The following SLC7A1 variants were observed in gnomAD, a reference collection of about 807,000 sequenced individuals.
The protein encoded by SLC7A1 is solute carrier family 7 member 1, also known as high affinity cationic amino acid transporter 1.
SLC7A1 carries 10 observed loss-of-function variants against 53.9 expected under a neutral mutation model. The ratio of observed to expected loss-of-function variants is 0.19; its 90% CI spans 0.11 to 0.31. The LOEUF (loss-of-function observed/expected upper bound fraction) is 0.31. Among genes scored for constraint, SLC7A1 ranks in the 10% least tolerant of loss-of-function variants. The pLI, the probability that SLC7A1 is intolerant of heterozygous loss-of-function variation, is 1.00. For synonymous variants in SLC7A1, 342 were observed against 338.7 expected (o/e 1.01, Z -0.11); for missense variants, 525 against 827.2 (o/e 0.63, Z 4.48).
At position 29,533,645 on chromosome 13, in the gene SLC7A1, C is replaced by T. The variant is rs544942985; in HGVS notation, c.371-663G>A. Among the ~76,000 whole-genome samples, 20 of 152,322 alleles carry T rather than the reference C, an allele frequency of 1.3e-4. No individual in the cohort carries two copies. The South Asian group carries it at 4.1e-3, about 32-fold the overall frequency. On this transcript the variant is annotated intron_variant, in intron 3 of 12. Coordinates refer to ENST00000380752, the MANE Select transcript of SLC7A1 (RefSeq NM_003045.5). Reference sequence around the variant, plus strand: ...ACAGCATCCCCAGAGTGCAGGACAGCAGACAGACCCCAGCCCTCCTCGTTC... The same window carrying T: ...ACAGCATCCCCAGAGTGCAGGACAGTAGACAGACCCCAGCCCTCCTCGTTC...
rs891003925 is a variant in SLC7A1, at chr13:29,510,123, C to T, written c.*4357G>A. 1 of 152,596 alleles carries T rather than the reference C, an allele frequency of 6.6e-6. No individual in the cohort carries two copies. The highest frequency in any genetic ancestry group is 1.5e-5 in the Non-Finnish European group (1 of 68,058). The allele number at this position is 152,596 out of a possible 1,614,324, so 9.5% of individuals were successfully genotyped here. ...CTTCTCTTTAAGCTTGGCCAAGGTA[C>T]TCCATCTCCTGTGGGGTTTTCAGCT... On this transcript the variant is annotated 3_prime_UTR_variant, in exon 13 of 13. Transcript: ENST00000380752.
chr13:29,535,540 T>A (rs182892374), intron 3 of SLC7A1, among the ~76,000 whole-genome samples: 181 of 152,278 alleles, frequency 1.2e-3, no homozygotes, highest in Non-Finnish European at 2.0e-3. Flanking sequence ...AATGAGAGAA[T>A]TAGTTTCTCC....
chr13:29,543,662 G>T (rs1472915098), intron 2 of SLC7A1, among the ~76,000 whole-genome samples: 2 of 151,880 alleles, frequency 1.3e-5, no homozygotes, highest in Non-Finnish European at 2.9e-5. Flanking sequence ...GGAGAAGGGT[G>T]GGGAGGAGGC....
chr13:29,587,315 T>G (rs280917), intron 1 of SLC7A1, among the ~76,000 whole-genome samples: 149,489 of 152,320 alleles, frequency 0.98, 73,443 homozygotes, highest in East Asian at 1. Context: ...TTATGGCGAA[T>G]GGACCACCTA....
chr13:29,566,403 G>A (rs1370380910), intron 1 of SLC7A1, among the ~76,000 whole-genome samples: 1 of 152,164 alleles, frequency 6.6e-6, no homozygotes, highest in East Asian at 1.9e-4. Context: ...ATGGATAAAC[G>A]AAATGTGGTA....
intron 5 of SLC7A1, among the ~76,000 whole-genome samples, chr13:29,526,339 GCATATGACTATAGTCC>G (rs1171354824): frequency 1.3e-5 from 2 of 152,144 alleles, no homozygotes; most frequent in Non-Finnish European, 2.9e-5. Flanking sequence ...GGGTGTGGTG[GCATATGACTATAGTCC>G]CAGCTACTTG....
chr13:29,583,158 A>AC (rs771331855), intron 1 of SLC7A1, among the ~76,000 whole-genome samples: 3 of 152,168 alleles, frequency 2.0e-5, no homozygotes, highest in Non-Finnish European at 4.4e-5. Context: ...TTCAGGCCCC[A>AC]CCCCAGAACT....
chr13:29,588,336 G>A (rs761012136), intron 1 of SLC7A1, among the ~76,000 whole-genome samples: 22 of 152,226 alleles, frequency 1.4e-4, no homozygotes, highest in South Asian at 1.2e-3. Flanking sequence ...ATGGCATGAC[G>A]TCTTCAGCTG....
At chr13:29,526,357 AGCTACTTGGGAAACT>A (rs1253700997) in intron 5 of SLC7A1, among the ~76,000 whole-genome samples, 2 of 152,136 alleles carry the variant, frequency 1.3e-5, no homozygotes, top group Non-Finnish European at 2.9e-5. Context: ...CTATAGTCCC[AGCTACTTGGGAAACT>A]GAGGCAAGAG....
intron 1 of SLC7A1, among the ~76,000 whole-genome samples, chr13:29,590,001 G>A (rs1437063563): frequency 6.6e-6 from 1 of 152,184 alleles, no homozygotes; most frequent in Non-Finnish European, 1.5e-5. Context: ...CTAGCCCCAG[G>A]GCCCCTCCCT....
chr13:29,537,912 GCCCACA>G, intron 2 of SLC7A1, among the ~76,000 whole-genome samples: 1 of 152,294 alleles, frequency 6.6e-6, no homozygotes, highest in Middle Eastern at 3.4e-3. Context: ...TTCCCTGCCT[GCCCACA>G]CCTTTGCACC....
intron 1 of SLC7A1, among the ~76,000 whole-genome samples, chr13:29,576,827 G>A (rs1355539379): frequency 3.9e-5 from 6 of 152,176 alleles, no homozygotes; most frequent in Admixed American, 3.9e-4. Context: ...CTGGAAGTTG[G>A]CACCTGGCAA....
At chr13:29,541,384 G>A (rs1021091564) in intron 2 of SLC7A1, among the ~76,000 whole-genome samples, 1 of 152,188 alleles carries the variant, frequency 6.6e-6, no homozygotes, top group African/African-American at 2.4e-5. Context: ...GAAATTAACC[G>A]TGGTCAGTGC....
intron 1 of SLC7A1, among the ~76,000 whole-genome samples, chr13:29,569,544 G>A (rs1871108216): frequency 6.6e-6 from 1 of 152,092 alleles, no homozygotes; most frequent in Non-Finnish European, 1.5e-5. Flanking sequence ...CATGAGGCGG[G>A]GGCTGCAATA....
At chr13:29,555,357 C>CAAAAAAAAAAAAAAAAAAAAAAAAA (rs538934310) in intron 1 of SLC7A1, among the ~76,000 whole-genome samples, 2 of 18,780 alleles carry the variant, frequency 1.1e-4, no homozygotes, top group East Asian at 1.0e-3. Flanking sequence ...GACTCCGTCT[C>CAAAAAAAAAAAAAAAAAAAAAAAAA]AAAAAAAAAA....
chr13:29,518,766 G>A (rs1416204039), intron 9 of SLC7A1, among the ~76,000 whole-genome samples: 1 of 152,136 alleles, frequency 6.6e-6, no homozygotes, highest in African/African-American at 2.4e-5. Flanking sequence ...CTCTTGAGGG[G>A]AGACCAGTGC....
intron 2 of SLC7A1, among the ~76,000 whole-genome samples, chr13:29,543,739 G>A (rs1021585336): frequency 1.3e-5 from 2 of 151,048 alleles, no homozygotes; most frequent in Non-Finnish European, 3.0e-5. Flanking sequence ...AGGTTCCGCA[G>A]GAGGAGGAAG....
intron 2 of SLC7A1, among the ~76,000 whole-genome samples, chr13:29,539,562 G>T (rs563055506): frequency 2.6e-5 from 4 of 152,288 alleles, no homozygotes; most frequent in South Asian, 4.1e-4. Flanking sequence ...TGTGAAAAGG[G>T]ACTTTCTGGT....
intron 2 of SLC7A1, among the ~76,000 whole-genome samples, chr13:29,553,001 C>G (rs1284841158): frequency 6.6e-6 from 1 of 152,192 alleles, no homozygotes; most frequent in African/African-American, 2.4e-5. Context: ...GGACAGACAG[C>G]CTCACTGGCC....
Sources: gnomAD v4.1 joint callset for allele counts (sites outside exome capture counted in the v4.1 genomes callset) on GRCh38, gnomAD v4.1.1 for gene constraint, MANE v1.5 for transcripts, NCBI Gene and HGNC (gene_info 2026-07-23, HGNC 2026-07-21) for gene names.